The following UBLCP1 variants were observed in gnomAD, a reference collection of about 807,000 sequenced individuals.
UBLCP1 encodes the protein ubiquitin like domain containing CTD phosphatase 1, also known as ubiquitin-like domain-containing CTD phosphatase 1.
In UBLCP1, 28 loss-of-function variants were observed where a neutral mutation model predicts 42.4. The ratio of observed to expected loss-of-function variants is 0.66; its 90% CI spans 0.49 to 0.90. The LOEUF (loss-of-function observed/expected upper bound fraction) is 0.90. UBLCP1 is among the 40% of genes least tolerant of loss of function. UBLCP1 has a pLI of 0.00. For missense variants in UBLCP1, 279 were observed against 374.5 expected, an observed-to-expected ratio of 0.75 and a Z score of 2.10; for synonymous variants, 122 against 120.8, an observed-to-expected ratio of 1.01 and a Z score of -0.07.
Position 159,270,551 on chromosome 5 carries a change from C to T in UBLCP1, c.356C>T (p.Ser119Phe). 1.2e-6 allele frequency: 2 copies of T among 1,610,524 alleles called. No homozygotes were observed. Among genetic ancestry groups the T allele is most frequent in the Non-Finnish European group, 8.5e-7 (1 of 1,178,910 alleles). The change falls in exon 5 of 11, where the codon TCT becomes TTT. Residue 119 changes from serine (S) to phenylalanine (F), a missense_variant. Ser to Phe is a radical substitution (Grantham distance 155, BLOSUM62 -2). Transcript: ENST00000296786. ...AGGGAAGAAAACCTACTGAAAATTT[C>T]TCGCAGAGTGAAAGAGTACAAAGTG... ...ENREENLLKISRRVKEYKVEI... is the reference protein window; with the variant it reads ...ENREENLLKIFRRVKEYKVEI...
intron 10 of UBLCP1, 117 bp downstream of exon 10, chr5:159,283,456 C>T: frequency 1.1e-6 from 1 of 872,534 alleles, no homozygotes; most frequent in Non-Finnish European, 1.7e-6. Context: ...AAATAGGTGA[C>T]TTCTAAAAAC....
At chr5:159,266,952 G>A (rs1753402488) in intron 1 of UBLCP1, among the ~76,000 whole-genome samples, 1 of 152,230 alleles carries the variant, frequency 6.6e-6, no homozygotes, top group Non-Finnish European at 1.5e-5. Context: ...TGCTGCAGGG[G>A]TGGGGCCCTC....
intron 10 of UBLCP1, among the ~76,000 whole-genome samples, chr5:159,284,344 CAA>C (rs1052750417): frequency 6.6e-6 from 1 of 152,124 alleles, no homozygotes; most frequent in Non-Finnish European, 1.5e-5. Flanking sequence ...AAATAGAGAT[CAA>C]GTTTTTAATT....
At chr5:159,270,310 T>G in intron 3 of UBLCP1, 50 bp from the exon 4 acceptor site, 1 of 1,401,740 alleles carries the variant, frequency 7.1e-7, no homozygotes, top group Non-Finnish European at 1.0e-6. Flanking sequence ...TGCATGTATT[T>G]GTTATATTAA....
At chr5:159,270,862 T>G (rs1376291192) in intron 5 of UBLCP1, among the ~76,000 whole-genome samples, 1 of 149,510 alleles carries the variant, frequency 6.7e-6, no homozygotes, top group Non-Finnish European at 1.5e-5. Flanking sequence ...CTTAGTAATT[T>G]GATATATATC....
intron 2 of UBLCP1, 104 bp downstream of exon 2, chr5:159,269,173 G>A: frequency 5.9e-6 from 5 of 847,530 alleles, no homozygotes; most frequent in Non-Finnish European, 6.5e-6. Context: ...CTTGCTATTT[G>A]TAGTTTAGTA....
At chr5:159,283,383 G>GA (rs773063771) in intron 10 of UBLCP1, 44 bp downstream of exon 10, 6 of 1,478,994 alleles carry the variant, frequency 4.1e-6, no homozygotes, top group South Asian at 1.3e-5. Context: ...CATCAATGAA[G>GA]AAAAAATTAT....
intron 5 of UBLCP1, among the ~76,000 whole-genome samples, chr5:159,271,329 G>C (rs1187301119): frequency 6.6e-6 from 1 of 151,944 alleles, no homozygotes; most frequent in Non-Finnish European, 1.5e-5. Flanking sequence ...GGATGTGGTG[G>C]TATGCACCTA....
chr5:159,263,524 G>C (rs1435729790), intron 1 of UBLCP1, among the ~76,000 whole-genome samples, 164 bp downstream of exon 1: 3 of 152,238 alleles, frequency 2.0e-5, no homozygotes, highest in African/African-American at 7.2e-5. Flanking sequence ...CCGCTTAGTC[G>C]CGGGGGCCGC....
intron 1 of UBLCP1, among the ~76,000 whole-genome samples, chr5:159,265,753 C>A (rs986888185): frequency 2.0e-5 from 3 of 152,166 alleles, no homozygotes; most frequent in Non-Finnish European, 4.4e-5. Flanking sequence ...GTAAGAAGTG[C>A]TTTTTACCTT....
intron 9 of UBLCP1, among the ~76,000 whole-genome samples, chr5:159,280,608 G>T (rs17665189): frequency 0.54 from 81,411 of 152,074 alleles, 22,864 homozygotes; most frequent in Non-Finnish European, 0.61. Flanking sequence ...AGCCCAGAAA[G>T]AGTTCTAAAA....
At chr5:159,277,815 G>GT (rs987917053) in intron 8 of UBLCP1, among the ~76,000 whole-genome samples, 43 of 151,528 alleles carry the variant, frequency 2.8e-4, no homozygotes, top group South Asian at 8.3e-4. Context: ...GCCAAATACA[G>GT]TTTTTTTTTG....
chr5:159,264,260 G>C (rs777338607), intron 1 of UBLCP1, among the ~76,000 whole-genome samples: 1 of 152,106 alleles, frequency 6.6e-6, no homozygotes, highest in East Asian at 1.9e-4. Context: ...TTCTTTGCTT[G>C]CTTGTTTGGG....
intron 5 of UBLCP1, among the ~76,000 whole-genome samples, chr5:159,271,592 A>G (rs1353880687): frequency 6.6e-6 from 1 of 152,232 alleles, no homozygotes; most frequent in African/African-American, 2.4e-5. Flanking sequence ...ACATAAGTTA[A>G]TGTACAGTTT....
intron 8 of UBLCP1, among the ~76,000 whole-genome samples, chr5:159,275,507 T>A (rs1584740104): frequency 6.7e-6 from 1 of 149,974 alleles, no homozygotes; most frequent in Admixed American, 6.7e-5. Context: ...GCCTCCCAGG[T>A]TCACGCCATT....
At position 159,270,373 on chromosome 5, in the gene UBLCP1, G is replaced by A. The variant is rs1753448685; in HGVS notation, c.260G>A (p.Gly87Asp). The change falls in exon 4 of 11, where the codon GGT (glycine) becomes GAT (aspartate). Residue 87 changes from glycine to aspartate, a missense_variant. Gly to Asp is a moderately conservative substitution (Grantham distance 94). Transcript: ENST00000296786. ...TREESLEDVL[G>D]PPPDNDDVVN... The stretch of plus-strand genomic sequence containing the variant: ...CCATCTTAATAGGAAGATGTCTTAG[G>A]TCCACCCCCTGACAATGATGATGTT... 6.2e-7 allele frequency: 1 copy of A among 1,613,064 alleles called. No homozygotes were observed. Among genetic ancestry groups the A allele is most frequent in the Non-Finnish European group, 8.5e-7 (1 of 1,179,586 alleles).
At position 159,286,015 on chromosome 5, in the gene UBLCP1, TAATA is replaced by T. The variant is rs971120137; in HGVS notation, c.*1089_*1092del. On this transcript the variant is annotated 3_prime_UTR_variant, in exon 11 of 11. Transcript: ENST00000296786. The stretch of plus-strand genomic sequence containing the variant: ...ACAGGACTAATTTCAGTGGTGTAAA[TAATA>T]AATATCTTTTCTTAAAACATTCGTT... 16 of 152,866 alleles carry T rather than the reference TAATA, an allele frequency of 1.0e-4. No homozygotes were observed. Among genetic ancestry groups the T allele is most frequent in the African/African-American group, 3.8e-4 (16 of 41,574 alleles). 9.5% of individuals were successfully genotyped at this position (152,866 alleles called of 1,614,324 possible).
Position 159,285,698 on chromosome 5 carries a change from G to A in UBLCP1, c.*767G>A, listed in dbSNP as rs573630443. 3.3e-5 allele frequency: 5 copies of A among 152,362 alleles called. No homozygotes were observed. In the South Asian group the frequency reaches 1.0e-3, roughly 32 times the overall value. The allele number at this position is 152,362 out of a possible 1,614,324, so 9.4% of individuals were successfully genotyped here. On this transcript the variant is annotated 3_prime_UTR_variant, in exon 11 of 11. Coordinates refer to ENST00000296786, the MANE Select transcript of UBLCP1 (RefSeq NM_145049.5). ...TAAGTAGAATCTTCCTAAAACCATTGTCATAAAAGCAGTTAAAGGCAATAA... is the reference window on the plus strand; with the variant it reads ...TAAGTAGAATCTTCCTAAAACCATTATCATAAAAGCAGTTAAAGGCAATAA...
intron 8 of UBLCP1, 134 bp downstream of exon 8, chr5:159,275,380 G>T: frequency 4.4e-6 from 2 of 454,452 alleles, no homozygotes; most frequent in Non-Finnish European, 7.7e-6. Context: ...TTTGACATAG[G>T]AAAATGTATT....
Sources: gnomAD v4.1 joint callset for allele counts (sites outside exome capture counted in the v4.1 genomes callset) on GRCh38, gnomAD v4.1.1 for gene constraint, MANE v1.5 for transcripts, NCBI Gene and HGNC (gene_info 2026-07-23, HGNC 2026-07-21) for gene names.